ANKRA2: variants seen among roughly 807,000 people sequenced by gnomAD.
ANKRA2 encodes ankyrin repeat family A protein 2.
In ANKRA2, 33 loss-of-function variants were observed where a neutral mutation model predicts 37.8. That is an observed-to-expected ratio of 0.87 (90% CI 0.66 to 1.17). The LOEUF (loss-of-function observed/expected upper bound fraction) is 1.17. ANKRA2 is among the 50% of genes most tolerant of loss of function. The pLI is 0.00. For synonymous variants in ANKRA2, 126 were observed against 132.3 expected, an observed-to-expected ratio of 0.95 and a Z score of 0.33; for missense variants, 326 against 373.7, an observed-to-expected ratio of 0.87 and a Z score of 1.05.
chr5:73,557,486 C>A, intron 4 of ANKRA2, 89 bp downstream of exon 4: 32 of 644,694 alleles, frequency 5.0e-5, no homozygotes, highest in East Asian at 5.2e-5. Context: ...TTGTTTTTGT[C>A]TTTAGGACTT....
intron 7 of ANKRA2, 67 bp from the exon 8 acceptor site, chr5:73,553,553 C>A: frequency 7.5e-7 from 1 of 1,328,746 alleles, no homozygotes; most frequent in South Asian, 1.2e-5. Flanking sequence ...GTTATTGGCT[C>A]ATGTACAAAT....
chr5:73,552,899 TTC>T (rs1362747679), intron 8 of ANKRA2, 47 bp from the exon 9 acceptor site: 1 of 1,471,436 alleles, frequency 6.8e-7, no homozygotes, highest in East Asian at 2.3e-5. Context: ...ACTATAAAAT[TTC>T]TTTTAAAACT....
chr5:73,553,514 A>C, intron 7 of ANKRA2, 28 bp from the exon 8 acceptor site: 2 of 1,543,928 alleles, frequency 1.3e-6, no homozygotes, highest in Non-Finnish European at 1.8e-6. Context: ...AACTACATAA[A>C]TGAAATGAAA....
intron 3 of ANKRA2, 39 bp from the exon 4 acceptor site, chr5:73,557,679 A>G: frequency 6.9e-7 from 1 of 1,459,146 alleles, no homozygotes; most frequent in Non-Finnish European, 9.6e-7. Context: ...AATTATCTAT[A>G]GGGTACACTT....
chr5:73,565,579 GAGT>G lies in ANKRA2; in HGVS notation c.-555_-553del. On this transcript the variant is annotated 5_prime_UTR_variant, in exon 1 of 9. Coordinates refer to ENST00000296785, the MANE Select transcript of ANKRA2 (RefSeq NM_023039.5). Reference sequence around the variant, plus strand: ...TTACGCTCCGAGGCCCATCCTGCCGGAGTACTACACAGACAGGGTCATTTCAGT... The same window carrying G: ...TTACGCTCCGAGGCCCATCCTGCCGGACTACACAGACAGGGTCATTTCAGT... 1.1e-5 allele frequency: 3 copies of G among 267,450 alleles called. No homozygotes were observed. Among genetic ancestry groups the G allele is most frequent in the South Asian group, 9.5e-5 (3 of 31,614 alleles). 16.6% of individuals were successfully genotyped at this position (267,450 alleles called of 1,614,324 possible).
Position 73,565,249 on chromosome 5 carries a change from C to G in ANKRA2, c.-222G>C, listed in dbSNP as rs1314862785. On this transcript the variant is annotated 5_prime_UTR_variant, in exon 1 of 9. Coordinates refer to ENST00000296785, the MANE Select transcript of ANKRA2 (RefSeq NM_023039.5). ...ACCGGCCAGCTGTGCCCGAAAAGTC[C>G]CAGGAAGAAACTCTCGCTCATCCGC... The G allele has an allele frequency of 6.6e-6, 1 of 152,624 alleles. No homozygotes were observed. Among genetic ancestry groups the G allele is most frequent in the East Asian group, 1.9e-4 (1 of 5,168 alleles). 9.5% of individuals were successfully genotyped at this position (152,624 alleles called of 1,614,324 possible). A position where few individuals can be genotyped will look rare whatever the true frequency, so the allele number is the denominator to read the frequency against.
chr5:73,553,959 CG>C (rs1352760560), intron 7 of ANKRA2, among the ~76,000 whole-genome samples: 1 of 151,972 alleles, frequency 6.6e-6, no homozygotes, highest in Non-Finnish European at 1.5e-5. Flanking sequence ...TCTGTAGAGA[CG>C]GGGTTTCGCC....
chr5:73,552,931 C>T (rs1401486797), intron 8 of ANKRA2, 79 bp from the exon 9 acceptor site: 2 of 1,213,702 alleles, frequency 1.6e-6, no homozygotes, highest in Non-Finnish European at 2.4e-6. Flanking sequence ...AACTTATCCC[C>T]AATATTTTCC....
intron 4 of ANKRA2, among the ~76,000 whole-genome samples, chr5:73,556,321 A>C (rs1747396858): frequency 6.6e-6 from 1 of 152,212 alleles, no homozygotes; most frequent in Non-Finnish European, 1.5e-5. Context: ...ACAAACAGAA[A>C]TATAAGATTC....
At chr5:73,558,949 G>T (rs573478974) in intron 3 of ANKRA2, among the ~76,000 whole-genome samples, 3 of 152,294 alleles carry the variant, frequency 2.0e-5, no homozygotes, top group African/African-American at 7.2e-5. Flanking sequence ...TTAGGTGTTT[G>T]TTTTTAGCTC....
At position 73,555,148 on chromosome 5, in the gene ANKRA2, G is replaced by A; in HGVS notation, c.613-162C>T. The A allele has an allele frequency of 2.1e-6, 3 of 1,425,426 alleles. No homozygotes were observed. In the South Asian group the frequency reaches 4.6e-5, roughly 22 times the overall value. 88.3% of individuals were successfully genotyped at this position (1,425,426 alleles called of 1,614,324 possible). ...ACTCATGGATGCTTTTATTGAGATT[G>A]CCTGGATGCCTTCCTTCCTCCGTCC... On this transcript the variant is annotated intron_variant, in intron 5 of 8. Coordinates refer to ENST00000296785, the MANE Select transcript of ANKRA2 (RefSeq NM_023039.5).
chr5:73,552,537 C>T lies in ANKRA2; in HGVS notation c.*260G>A. On this transcript the variant is annotated 3_prime_UTR_variant, in exon 9 of 9. Coordinates refer to ENST00000296785, the MANE Select transcript of ANKRA2 (RefSeq NM_023039.5). ...CAAATTACAGCACTTGATACAAAGACTGATGATAACTATCTGTACCATAAA... is the reference window on the plus strand; with the variant it reads ...CAAATTACAGCACTTGATACAAAGATTGATGATAACTATCTGTACCATAAA... 3 of 313,204 alleles carry T rather than the reference C, an allele frequency of 9.6e-6. No individual in the cohort carries two copies. Among genetic ancestry groups the T allele is most frequent in the Non-Finnish European group, 1.7e-5 (3 of 174,318 alleles). The allele number at this position is 313,204 out of a possible 1,614,324, so 19.4% of individuals were successfully genotyped here. A position where few individuals can be genotyped will look rare whatever the true frequency, so the allele number is the denominator to read the frequency against.
chr5:73,557,600 G>C lies in ANKRA2; in HGVS notation c.489C>G (p.Leu163=), dbSNP rs371577319. 1.1e-5 allele frequency: 18 copies of C among 1,610,590 alleles called. No individual in the cohort carries two copies. The highest frequency in any genetic ancestry group is 1.7e-4 in the Middle Eastern group (1 of 6,054). ...CTTGTTCGATACGAGTAGCCAGATA[G>C]AGCATCTCTCCCTGAGCAGCCAACT... ...VHQLAAQGEM[L]YLATRIEQEN... The change falls in exon 4 of 9, where the codon CTC becomes CTG. Residue 163 remains leucine (L), a synonymous_variant. Coordinates refer to ENST00000296785, the MANE Select transcript of ANKRA2 (RefSeq NM_023039.5).
intron 3 of ANKRA2, among the ~76,000 whole-genome samples, chr5:73,559,098 C>G (rs2112016634): frequency 6.6e-6 from 1 of 152,246 alleles, no homozygotes; most frequent in East Asian, 1.9e-4. Flanking sequence ...GAAGGAAAAG[C>G]AATTGGTGTC....
At chr5:73,557,819 G>T (rs775492377) in intron 3 of ANKRA2, among the ~76,000 whole-genome samples, 179 bp from the exon 4 acceptor site, 4 of 152,070 alleles carry the variant, frequency 2.6e-5, no homozygotes, top group East Asian at 1.9e-4. Flanking sequence ...GCTCATGCCC[G>T]TAATCCCAGC....
chr5:73,562,863 G>C lies in ANKRA2; in HGVS notation c.19C>G (p.Leu7Val). The stretch of plus-strand genomic sequence containing the variant: ...ACGATAAGCTGGGCTCCAATATCCA[G>C]ATTTGTTGATGTATCCATGATTTCA... MDTSTN[L>V]DIGAQLIVEE... The change falls in exon 2 of 9, where the codon CTG becomes GTG. Residue 7 changes from leucine to valine, a missense_variant. By Grantham distance (32) the Leu-to-Val change is conservative (BLOSUM62 1). Coordinates refer to ENST00000296785, the MANE Select transcript of ANKRA2 (RefSeq NM_023039.5). 1 of 1,608,296 alleles carries C rather than the reference G, an allele frequency of 6.2e-7. No individual in the cohort carries two copies. The highest frequency in any genetic ancestry group is 8.5e-7 in the Non-Finnish European group (1 of 1,176,430).
At chr5:73,555,063 A>G in intron 5 of ANKRA2, 77 bp from the exon 6 acceptor site, 1 of 1,548,498 alleles carries the variant, frequency 6.5e-7, no homozygotes, top group Non-Finnish European at 8.7e-7. Flanking sequence ...AACAATAATT[A>G]TAGTTCAACA....
At chr5:73,556,176 A>C (rs1037536967) in intron 4 of ANKRA2, among the ~76,000 whole-genome samples, 4 of 152,224 alleles carry the variant, frequency 2.6e-5, no homozygotes, top group Non-Finnish European at 5.9e-5. Context: ...ATGTGAATGA[A>C]TAGTCTGAAA....
In ANKRA2 at chr5:73,561,257, C is replaced by T. The variant is rs756705213; in HGVS notation, c.321G>A (p.Pro107=). Residue 107 remains proline, a synonymous_variant, in exon 3 of 9, where the codon CCG becomes CCA. Coordinates refer to ENST00000296785, the MANE Select transcript of ANKRA2 (RefSeq NM_023039.5). ...AECNIHTSPS[P]GIQVRHVYTP... is the part of the protein sequence containing the mutation. ...TGTAGACATGCCTTACTTGAATTCC[C>T]GGAGAAGGAGATGTATGGATATTGC... 10 of 1,612,698 alleles carry T rather than the reference C, an allele frequency of 6.2e-6. No homozygotes were observed. The highest frequency in any genetic ancestry group is 4.4e-5 in the South Asian group (4 of 91,002).
Sources: gnomAD v4.1 joint callset for allele counts (sites outside exome capture counted in the v4.1 genomes callset) on GRCh38, gnomAD v4.1.1 for gene constraint, MANE v1.5 for transcripts, NCBI Gene and HGNC (gene_info 2026-07-23, HGNC 2026-07-21) for gene names.